PRKCG: variants seen among roughly 807,000 people sequenced by gnomAD.
The protein encoded by PRKCG is protein kinase C gamma, also known as protein kinase C gamma type.
PRKCG carries 28 observed loss-of-function variants against 82.0 expected under a neutral mutation model. The observed-to-expected ratio is 0.34, with a 90% CI of 0.25 to 0.47. The LOEUF is 0.47. PRKCG is among the 20% of genes least tolerant of loss of function. PRKCG has a pLI of 1.00. For missense variants in PRKCG, 640 were observed against 952.7 expected, an observed-to-expected ratio of 0.67 and a Z score of 4.32; for synonymous variants, 383 against 376.6, an observed-to-expected ratio of 1.02 and a Z score of -0.20.
rs143456958 is a variant in PRKCG at position 53,884,192 on chromosome 19, C to T, written c.234C>T (p.His78=). The change falls in exon 3 of 18, where the codon CAC becomes CAT. Residue 78 remains histidine (H), a synonymous_variant. Transcript: ENST00000263431. This position sits in a 1 kb window ranked among gnomAD's most constrained non-coding sequence, Gnocchi z 4.6. ...GCTTTGTGGTTCATCGACGATGCCA[C>T]GAATTTGTGACCTTCGAGTGTCCAG... is the stretch of plus-strand genomic sequence containing the variant. ...VCSFVVHRRC[H]EFVTFECPGA... is the part of the protein sequence containing the mutation. 87 of 1,614,054 alleles carry T rather than the reference C, an allele frequency of 5.4e-5. No individual in the cohort carries two copies. The highest frequency in any genetic ancestry group is 5.3e-5 in the African/African-American group (4 of 74,924).
At chr19:53,893,486 T>C (rs1228267838) in intron 9 of PRKCG, 95 bp downstream of exon 9, 1 of 1,323,814 alleles carries the variant, frequency 7.6e-7, no homozygotes, top group Non-Finnish European at 1.1e-6. Flanking sequence ...TCCCCACACA[T>C]GAGTTGAGCA....
chr19:53,888,993 T>C (rs307951), intron 3 of PRKCG, among the ~76,000 whole-genome samples: 10,442 of 152,110 alleles, frequency 0.069, 737 homozygotes, highest in African/African-American at 0.18. Context: ...TGCTCTGTCA[T>C]CCAGGCTGGA....
chr19:53,900,408 C>T lies in PRKCG; in HGVS notation c.1374-11C>T, dbSNP rs1599951600. 2 of 1,614,182 alleles carry T rather than the reference C, an allele frequency of 1.2e-6. No individual in the cohort carries two copies. The highest frequency in any genetic ancestry group is 1.7e-6 in the Non-Finnish European group (2 of 1,180,038). On this transcript the variant is annotated splice_polypyrimidine_tract_variant and intron_variant, in intron 12 of 17. Transcript: ENST00000263431. This position sits in a 1 kb window ranked among gnomAD's most constrained non-coding sequence, Gnocchi z 4.2. ...TGACCTTCTGACGTCCCCACCCACCCCGTCCTCCAGGTTCTACGCGGCAGA... is the reference window on the plus strand; with the variant it reads ...TGACCTTCTGACGTCCCCACCCACCTCGTCCTCCAGGTTCTACGCGGCAGA...
rs764247528 is a variant in PRKCG, at chr19:53,900,351, C to T, written c.1373+27C>T. Reference sequence around the variant, plus strand: ...TGAGTCTCGGCCAACAGAGAATGGTCGGGGTGGTGGAAGGGGGCAGGATCC... The same window carrying T: ...TGAGTCTCGGCCAACAGAGAATGGTTGGGGTGGTGGAAGGGGGCAGGATCC... On this transcript the variant is annotated intron_variant, in intron 12 of 17. Coordinates refer to ENST00000263431, the MANE Select transcript of PRKCG (RefSeq NM_002739.5). The surrounding 1 kb of genome is among the most constrained non-coding windows in gnomAD (Gnocchi z 4.2). 4 of 1,613,714 alleles carry T rather than the reference C, an allele frequency of 2.5e-6. No individual in the cohort carries two copies. Among genetic ancestry groups the T allele is most frequent in the Admixed American group, 1.7e-5 (1 of 59,980 alleles).
chr19:53,903,763 G>T (rs1042348091), intron 15 of PRKCG, among the ~76,000 whole-genome samples: 2 of 152,076 alleles, frequency 1.3e-5, no homozygotes, highest in African/African-American at 4.8e-5. Context: ...ACAAACAAAA[G>T]AAATCAATCA....
rs955612922 is a variant in PRKCG, at chr19:53,900,259, C to T, written c.1308C>T (p.Tyr436=). The T allele has an allele frequency of 6.2e-7, 1 of 1,614,072 alleles. No homozygotes were observed. Residue 436 remains tyrosine (Y), a synonymous_variant, in exon 12 of 18, where the codon TAC becomes TAT. Coordinates refer to ENST00000263431, the MANE Select transcript of PRKCG (RefSeq NM_002739.5). The surrounding 1 kb of genome is among the most constrained non-coding windows in gnomAD (Gnocchi z 4.2). ...TPDRLYFVME[Y]VTGGDLMYHI... is the part of the protein sequence containing the mutation. ...ACCGCCTGTATTTCGTGATGGAGTA[C>T]GTCACCGGGGGAGACTTGATGTACC...
At chr19:53,906,080 TC>T (rs1568763974) in intron 16 of PRKCG, among the ~76,000 whole-genome samples, 14 of 71,770 alleles carry the variant, frequency 2.0e-4, no homozygotes, top group Non-Finnish European at 2.7e-4. Flanking sequence ...CTCCTCCTCC[TC>T]CTCCTTCTTC....
intron 14 of PRKCG, among the ~76,000 whole-genome samples, chr19:53,902,354 C>T (rs1032376238): frequency 6.6e-6 from 1 of 152,128 alleles, no homozygotes; most frequent in Non-Finnish European, 1.5e-5. Flanking sequence ...GTGGAGGTTG[C>T]AGTGAGCCAA....
chr19:53,906,635 CTG>C, intron 17 of PRKCG, 70 bp from the exon 18 acceptor site: 5 of 1,569,104 alleles, frequency 3.2e-6, no homozygotes, highest in Non-Finnish European at 2.6e-6. Flanking sequence ...GGAGATGAGA[CTG>C]GGGTACACAG....
chr19:53,890,111 A>G, intron 5 of PRKCG, 94 bp downstream of exon 5: 1 of 1,328,238 alleles, frequency 7.5e-7, no homozygotes, highest in Non-Finnish European at 1.0e-6. Flanking sequence ...CCTACCCCAA[A>G]GATGGGGCCA....
intron 3 of PRKCG, among the ~76,000 whole-genome samples, chr19:53,888,034 G>A (rs1345665677): frequency 2.6e-5 from 4 of 152,122 alleles, no homozygotes; most frequent in African/African-American, 9.7e-5. Context: ...CCTCCGTGCT[G>A]TCTCCTTTTT....
In PRKCG at chr19:53,898,380, G is replaced by A. The variant is rs145734439; in HGVS notation, c.1093-60G>A. On this transcript the variant is annotated intron_variant, in intron 10 of 17. Coordinates refer to ENST00000263431, the MANE Select transcript of PRKCG (RefSeq NM_002739.5). ...TTTCCCTGCGTCCCTTAGGGAGGGG[G>A]CAGGTCCTGTACCACTGGGTTCCCA... 6.3e-4 allele frequency: 1,010 copies of A among 1,593,326 alleles called. 7 individuals are homozygous for A. In the African/African-American group the frequency reaches 0.012, roughly 19 times the overall value.
In PRKCG at chr19:53,884,788, A is replaced by G. The variant is rs1027549030; in HGVS notation, c.285+545A>G. On this transcript the variant is annotated intron_variant, in intron 3 of 17. Transcript: ENST00000263431. This position sits in a 1 kb window ranked among gnomAD's most constrained non-coding sequence, Gnocchi z 4.6. The stretch of plus-strand genomic sequence containing the variant: ...ACACAGACACCTGGAGAAAGAGACT[A>G]AAATAGAAAATGGTGGATACAGACA... Among the ~76,000 whole-genome samples, 1 of 152,240 alleles carries G rather than the reference A, an allele frequency of 6.6e-6. No homozygotes were observed. Among genetic ancestry groups the G allele is most frequent in the Admixed American group, 6.5e-5 (1 of 15,286 alleles).
chr19:53,900,532 A>G lies in PRKCG; in HGVS notation c.1436+51A>G, dbSNP rs774341050. ...GAGGAAATCACGCCCCTGGAAGGGA[A>G]GGGATTTGAATATGTGGCTCTAGAC... On this transcript the variant is annotated intron_variant, in intron 13 of 17. Coordinates refer to ENST00000263431, the MANE Select transcript of PRKCG (RefSeq NM_002739.5). The surrounding 1 kb of genome is among the most constrained non-coding windows in gnomAD (Gnocchi z 4.2). The G allele has an allele frequency of 5.6e-6, 9 of 1,613,956 alleles. No individual in the cohort carries two copies. Among genetic ancestry groups the G allele is most frequent in the Non-Finnish European group, 7.6e-6 (9 of 1,179,944 alleles).
rs2068613198 is a variant in PRKCG, at chr19:53,884,018, T to G, written c.203-143T>G. The stretch of plus-strand genomic sequence containing the variant: ...CTCTGGCCTCCGATTTTCTCTCTGT[T>G]GGACTCTCTGTGTTGAGATCCCTCT... On this transcript the variant is annotated intron_variant, in intron 2 of 17. Coordinates refer to ENST00000263431, the MANE Select transcript of PRKCG (RefSeq NM_002739.5). The surrounding 1 kb of genome is among the most constrained non-coding windows in gnomAD (Gnocchi z 4.6). 1 of 793,418 alleles carries G rather than the reference T, an allele frequency of 1.3e-6. No individual in the cohort carries two copies. The highest frequency in any genetic ancestry group is 2.0e-5 in the Admixed American group (1 of 50,088). The allele number at this position is 793,418 out of a possible 1,614,324, so 49.1% of individuals were successfully genotyped here. A position where few individuals can be genotyped will look rare whatever the true frequency, so the allele number is the denominator to read the frequency against.
Position 53,906,433 on chromosome 19 carries a change from C to A in PRKCG, c.1881C>A (p.Ile627=). Reference sequence around the variant, plus strand: ...GGGAGCGGCTGGAACGATTGGAGATCCCGCCTCCTTTCAGACCCCGCCCGG... The same window carrying A: ...GGGAGCGGCTGGAACGATTGGAGATACCGCCTCCTTTCAGACCCCGCCCGG... ...IDWERLERLE[I]PPPFRPRPCG... is the part of the protein sequence containing the mutation. The change falls in exon 17 of 18, where the codon ATC becomes ATA. Residue 627 remains isoleucine (I), a synonymous_variant. Transcript: ENST00000263431. 1 of 1,574,972 alleles carries A rather than the reference C, an allele frequency of 6.3e-7. No individual in the cohort carries two copies. The highest frequency in any genetic ancestry group is 1.2e-5 in the South Asian group (1 of 86,414).
rs1332750340 is a variant in PRKCG at position 53,892,639 on chromosome 19, G to T, written c.817G>T (p.Gly273Cys). 1.2e-6 allele frequency: 2 copies of T among 1,611,212 alleles called. No homozygotes were observed. The highest frequency in any genetic ancestry group is 8.5e-7 in the Non-Finnish European group (1 of 1,179,702). Residue 273 changes from glycine to cysteine, a missense_variant, in exon 7 of 18, where the codon GGC (glycine) becomes TGC (cysteine). This residue lies in a region of PRKCG where 261 missense variants were observed against 312.1 expected (regional missense o/e 0.84). Coordinates refer to ENST00000263431, the MANE Select transcript of PRKCG (RefSeq NM_002739.5). This position sits in a 1 kb window ranked among gnomAD's most constrained non-coding sequence, Gnocchi z 5.9. The stretch of plus-strand genomic sequence containing the variant: ...GGAGCTGCTCAAGGCGCCCGTGGAT[G>T]GCTGGTGAGGAGCAGGGCTGGGGCC... ...VSELLKAPVD[G>C]WYKLLNQEEG...
At chr19:53,905,914 GTCTCTCTC>G (rs371309466) in intron 16 of PRKCG, among the ~76,000 whole-genome samples, 1 of 126,514 alleles carries the variant, frequency 7.9e-6, no homozygotes, top group Admixed American at 8.0e-5. Context: ...CCTTCTTCCT[GTCTCTCTC>G]TCTCTCTCTC....
In PRKCG at chr19:53,893,999, C is replaced by T. The variant is rs147101956; in HGVS notation, c.939+608C>T. On this transcript the variant is annotated intron_variant, in intron 9 of 17. Coordinates refer to ENST00000263431, the MANE Select transcript of PRKCG (RefSeq NM_002739.5). ...CTCAAACTCCCAAACTCAGGTGATC[C>T]GCCTGCCTTGGCCTCCCAAAGTGCT... Among the ~76,000 whole-genome samples the T allele has an allele frequency of 2.9e-3, 444 of 152,130 alleles. 5 individuals are homozygous for T. Among genetic ancestry groups the T allele is most frequent in the African/African-American group, 9.8e-3 (406 of 41,508 alleles).
Sources: gnomAD v4.1 joint callset for allele counts (sites outside exome capture counted in the v4.1 genomes callset) on GRCh38, gnomAD v4.1.1 for gene constraint, gnomAD v4.1.1 regional missense constraint, Gnocchi (gnomAD v3.1) non-coding constraint, MANE v1.5 for transcripts, NCBI Gene and HGNC (gene_info 2026-07-23, HGNC 2026-07-21) for gene names.